LAMP1: variants seen among roughly 807,000 people sequenced by gnomAD.
LAMP1 encodes the protein lysosome associated membrane protein 1.
In LAMP1, 7 loss-of-function variants were observed where a neutral mutation model predicts 37.5. That is an observed-to-expected ratio of 0.19 (90% confidence interval 0.11 to 0.35). The LOEUF is 0.35. LAMP1 is among the 10% of genes least tolerant of loss of function. LAMP1 has a pLI of 1.00. For synonymous variants in LAMP1, 236 were observed against 229.1 expected (o/e 1.03, Z -0.27); for missense variants, 537 against 552.8 (o/e 0.97, Z 0.29).
chr13:113,305,321 A>G (rs1386399096), intron 1 of LAMP1: 2 of 152,252 alleles, frequency 1.3e-5, no homozygotes, highest in African/African-American at 2.4e-5. Flanking sequence ...ACTGGCATGC[A>G]CGAACTTGTA....
intron 4 of LAMP1, 123 bp from the exon 5 acceptor site, chr13:113,319,346 G>A: frequency 1.1e-6 from 1 of 881,910 alleles, no homozygotes. Flanking sequence ...GGGAGACTGA[G>A]AAAATAGTCA....
At position 113,320,986 on chromosome 13, in the gene LAMP1, C is replaced by T. The variant is rs768361556; in HGVS notation, c.877-418C>T. The T allele has an allele frequency of 5.1e-5, 13 of 256,770 alleles. No individual in the cohort carries two copies. The highest frequency in any genetic ancestry group is 9.1e-5 in the Non-Finnish European group (12 of 131,706). The allele number at this position is 256,770 out of a possible 1,614,324, so 15.9% of individuals were successfully genotyped here. ...CTCTCAAGAGGTCTGGAAGGACCAGCCTGGGCAGCACAGGGAGGCTCCATT... is the reference window on the plus strand; with the variant it reads ...CTCTCAAGAGGTCTGGAAGGACCAGTCTGGGCAGCACAGGGAGGCTCCATT... On this transcript the variant is annotated intron_variant, in intron 6 of 8. Transcript: ENST00000332556. This position sits in a 1 kb window ranked among gnomAD's most constrained non-coding sequence, Gnocchi z 4.4.
chr13:113,308,174 C>T (rs917516956), intron 2 of LAMP1, among the ~76,000 whole-genome samples: 1 of 151,636 alleles, frequency 6.6e-6, no homozygotes, highest in Admixed American at 6.6e-5. Context: ...GCCACCATGG[C>T]CAGCTAATTA....
chr13:113,316,654 C>T (rs986054655), intron 4 of LAMP1, among the ~76,000 whole-genome samples: 24 of 152,068 alleles, frequency 1.6e-4, no homozygotes, highest in Non-Finnish European at 3.1e-4. Flanking sequence ...ATCTCCTGAC[C>T]TCGTGATCCG....
chr13:113,315,271 GC>G (rs1446888892), intron 4 of LAMP1, among the ~76,000 whole-genome samples: 17 of 151,568 alleles, frequency 1.1e-4, no homozygotes, highest in African/African-American at 3.4e-4. Flanking sequence ...CTGGGGCGGG[GC>G]CTCCTGGAGG....
Position 113,323,296 on chromosome 13 carries a change from C to T in LAMP1, c.*875C>T, listed in dbSNP as rs1262657503. On this transcript the variant is annotated 3_prime_UTR_variant, in exon 9 of 9. Transcript: ENST00000332556. ...TCTTCTGTTGACATTCGGGGTGATC[C>T]TGTTCTGCGCTGTGTACAATGTGAG... is the stretch of plus-strand genomic sequence containing the variant. The T allele has an allele frequency of 1.3e-5, 2 of 152,034 alleles. No homozygotes were observed. The highest frequency in any genetic ancestry group is 4.8e-5 in the African/African-American group (2 of 41,370). 9.4% of individuals were successfully genotyped at this position (152,034 alleles called of 1,614,324 possible).
chr13:113,322,369 T>C lies in LAMP1; in HGVS notation c.1202T>C (p.Ile401Thr). 7 of 1,589,042 alleles carry C rather than the reference T, an allele frequency of 4.4e-6. No homozygotes were observed. The Admixed American group carries it at 5.2e-5, about 12-fold the overall frequency. The change falls in exon 9 of 9, where the codon ATC (isoleucine) becomes ACC (threonine). Residue 401 changes from isoleucine (I) to threonine (T), a missense_variant. Ile to Thr is a moderately conservative substitution (Grantham distance 89). Coordinates refer to ENST00000332556, the MANE Select transcript of LAMP1 (RefSeq NM_005561.4). The part of the protein sequence containing the change: ...ALAGLVLIVL[I>T]AYLVGRKRSH... ...GCGGGGCTGGTCCTCATCGTCCTCA[T>C]CGCCTACCTCGTCGGCAGGAAGAGG...
chr13:113,304,804 C>T (rs1181096670), intron 1 of LAMP1: 2 of 152,078 alleles, frequency 1.3e-5, no homozygotes, highest in Non-Finnish European at 2.9e-5. Flanking sequence ...TTACAGGCGC[C>T]TGCCACCATG....
rs1307527080 is a variant in LAMP1 at position 113,322,326 on chromosome 13, G to A, written c.1159G>A (p.Ala387Thr). Reference sequence around the variant, plus strand: ...CGAGAACAGCATGCTGATCCCCATCGCTGTGGGTGGTGCCCTGGCGGGGCT... The same window carrying A: ...CGAGAACAGCATGCTGATCCCCATCACTGTGGGTGGTGCCCTGGCGGGGCT... ...LDENSMLIPI[A>T]VGGALAGLVL... Residue 387 changes from alanine to threonine, a missense_variant, in exon 9 of 9, where the codon GCT becomes ACT. Ala to Thr is a moderately conservative substitution (Grantham distance 58). Transcript: ENST00000332556. 6 of 1,613,750 alleles carry A rather than the reference G, an allele frequency of 3.7e-6. No homozygotes were observed. The East Asian group carries it at 8.9e-5, about 24-fold the overall frequency.
At chr13:113,307,911 A>G (rs2042608545) in intron 2 of LAMP1, among the ~76,000 whole-genome samples, 1 of 139,550 alleles carries the variant, frequency 7.2e-6, no homozygotes, top group Admixed American at 7.7e-5. Context: ...GTGAGCTATG[A>G]TCTTGCCACT....
At chr13:113,313,176 G>T (rs967519306) in intron 4 of LAMP1, among the ~76,000 whole-genome samples, 1 of 152,168 alleles carries the variant, frequency 6.6e-6, no homozygotes, top group Non-Finnish European at 1.5e-5. Flanking sequence ...GCCTGGAAGT[G>T]AAGGGCTGCT....
chr13:113,319,718 C>G (rs1009065022), intron 5 of LAMP1, 62 bp downstream of exon 5: 1 of 1,483,714 alleles, frequency 6.7e-7, no homozygotes, highest in South Asian at 1.2e-5. Flanking sequence ...CCTCTGCTCC[C>G]TGTGCACTGA....
At position 113,321,750 on chromosome 13, in the gene LAMP1, G is replaced by C. The variant is rs189525754; in HGVS notation, c.1114+23G>C. On this transcript the variant is annotated intron_variant, in intron 8 of 8. Coordinates refer to ENST00000332556, the MANE Select transcript of LAMP1 (RefSeq NM_005561.4). The surrounding 1 kb of genome is among the most constrained non-coding windows in gnomAD (Gnocchi z 5.6). ...CTGGTGAGTGTCACCGAGGGCAGCT[G>C]TCGCGGGGTGTGGAGGACGTGCTTC... The C allele has an allele frequency of 6.2e-7, 1 of 1,611,102 alleles. No individual in the cohort carries two copies. The highest frequency in any genetic ancestry group is 8.5e-7 in the Non-Finnish European group (1 of 1,179,276).
At chr13:113,306,786 A>AC (rs910742612) in intron 2 of LAMP1, among the ~76,000 whole-genome samples, 180 bp downstream of exon 2, 8 of 148,860 alleles carry the variant, frequency 5.4e-5, no homozygotes, top group Non-Finnish European at 8.9e-5. Flanking sequence ...AGGCACAGTA[A>AC]CAAACCTGTA....
chr13:113,308,132 A>G (rs2042609884), intron 2 of LAMP1, among the ~76,000 whole-genome samples: 1 of 151,784 alleles, frequency 6.6e-6, no homozygotes, highest in Non-Finnish European at 1.5e-5. Flanking sequence ...CTCGTGCCTC[A>G]GCCTCCTCAG....
intron 2 of LAMP1, among the ~76,000 whole-genome samples, chr13:113,309,291 G>A (rs2042616618): frequency 6.6e-6 from 1 of 151,996 alleles, no homozygotes; most frequent in Admixed American, 6.6e-5. Context: ...TGTAGAGATG[G>A]GGTCTTGCTA....
At chr13:113,301,008 G>T (rs2042567918) in intron 1 of LAMP1, among the ~76,000 whole-genome samples, 1 of 152,108 alleles carries the variant, frequency 6.6e-6, no homozygotes, top group South Asian at 2.1e-4. Flanking sequence ...CTGTACCCAA[G>T]ACTTTTATTG....
intron 4 of LAMP1, among the ~76,000 whole-genome samples, chr13:113,313,036 G>A (rs544630527): frequency 2.6e-5 from 4 of 152,310 alleles, no homozygotes; most frequent in African/African-American, 4.8e-5. Flanking sequence ...GGAAATGAGA[G>A]AGAATTGGAT....
At chr13:113,304,523 A>G (rs1317560577) in intron 1 of LAMP1, among the ~76,000 whole-genome samples, 1 of 152,232 alleles carries the variant, frequency 6.6e-6, no homozygotes, top group Non-Finnish European at 1.5e-5. Context: ...CTCTAGATTC[A>G]TTGGAAATGC....
Sources: allele counts gnomAD v4.1 joint callset (sites outside exome capture counted in the v4.1 genomes callset), GRCh38; gene constraint gnomAD v4.1.1; non-coding constraint Gnocchi (gnomAD v3.1); transcripts MANE v1.5; gene names NCBI Gene and HGNC (gene_info 2026-07-23, HGNC 2026-07-21).